Variants in TPRG1 observed in about 807,000 individuals in gnomAD.
The protein encoded by TPRG1 is tumor protein p63-regulated gene 1 protein.
Under a neutral mutation model 29.3 loss-of-function variants are expected in TPRG1, and 29 were observed. The ratio of observed to expected loss-of-function variants is 0.99; its 90% CI spans 0.74 to 1.35. The LOEUF (loss-of-function observed/expected upper bound fraction) is 1.35. TPRG1 is among the 40% of genes most tolerant of loss of function. TPRG1 has a pLI of 0.00. For missense variants in TPRG1, 327 were observed against 335.0 expected, an observed-to-expected ratio of 0.98 and a Z score of 0.19; for synonymous variants, 130 against 116.8, an observed-to-expected ratio of 1.11 and a Z score of -0.73.
intron 4 of TPRG1, among the ~76,000 whole-genome samples, chr3:189,064,032 C>T (rs1470761673): frequency 6.6e-6 from 1 of 152,126 alleles, no homozygotes; most frequent in African/African-American, 2.4e-5. Context: ...ACTTAATACA[C>T]ATAAGATGCA....
intron 3 of TPRG1, among the ~76,000 whole-genome samples, chr3:189,216,205 T>C (rs151197688): frequency 9.4e-4 from 143 of 152,338 alleles, no homozygotes; most frequent in African/African-American, 2.5e-3. Flanking sequence ...ATTAATTCAG[T>C]AAGTTCTGTT....
intron 1 of TPRG1, among the ~76,000 whole-genome samples, chr3:189,190,297 A>G (rs996974335): frequency 6.6e-6 from 1 of 152,204 alleles, no homozygotes; most frequent in Non-Finnish European, 1.5e-5. Context: ...GCAAGAATTG[A>G]CATAGTAAGC....
chr3:189,224,590 T>G (rs1342269512), intron 3 of TPRG1, among the ~76,000 whole-genome samples: 2 of 151,890 alleles, frequency 1.3e-5, no homozygotes, highest in African/African-American at 2.4e-5. Flanking sequence ...TGTGGCTGGA[T>G]TATAGTGAGC....
At chr3:189,227,520 G>A (rs73889138) in intron 3 of TPRG1, among the ~76,000 whole-genome samples, 35 of 152,224 alleles carry the variant, frequency 2.3e-4, no homozygotes, top group African/African-American at 8.4e-4. Flanking sequence ...TTTCCCTCTA[G>A]CCTTGAGATT....
intron 4 of TPRG1, among the ~76,000 whole-genome samples, chr3:189,092,394 G>A (rs1054196215): frequency 6.6e-6 from 1 of 150,646 alleles, no homozygotes; most frequent in African/African-American, 2.4e-5. Context: ...TCATGGATTT[G>A]ATATCCCTTT....
At chr3:189,038,707 A>G (rs1195411855) in intron 4 of TPRG1, among the ~76,000 whole-genome samples, 1 of 152,020 alleles carries the variant, frequency 6.6e-6, no homozygotes, top group Admixed American at 6.6e-5. Context: ...GGGGGAAGAT[A>G]ATTACAACAT....
chr3:189,289,534 A>G (rs1718648081), intron 4 of TPRG1, among the ~76,000 whole-genome samples: 1 of 152,062 alleles, frequency 6.6e-6, no homozygotes, highest in Non-Finnish European at 1.5e-5. Flanking sequence ...CTTGTTGACT[A>G]CGTAGTCTTT....
intron 5 of TPRG1, among the ~76,000 whole-genome samples, chr3:189,313,991 C>T (rs907732472): frequency 2.0e-5 from 3 of 151,836 alleles, no homozygotes; most frequent in Admixed American, 2.0e-4. Context: ...AAGTTCGGAG[C>T]AGTAGGAAGG....
chr3:189,126,238 A>T (rs1722473674), intron 1 of TPRG1, among the ~76,000 whole-genome samples: 2 of 152,182 alleles, frequency 1.3e-5, no homozygotes, highest in African/African-American at 4.8e-5. Flanking sequence ...TTGACTCAGA[A>T]GATACATGGA....
chr3:189,256,590 A>G (rs1165329513), intron 4 of TPRG1, among the ~76,000 whole-genome samples: 1 of 152,140 alleles, frequency 6.6e-6, no homozygotes, highest in Non-Finnish European at 1.5e-5. Context: ...GATCTGTCTA[A>G]TATTGACAGT....
rs778560668 is a variant in TPRG1, at chr3:189,011,796, C to G, written c.-660+7036C>G. On this transcript the variant is annotated intron_variant, in intron 3 of 10. Coordinates refer to the TPRG1 transcript ENST00000433971. The stretch of plus-strand genomic sequence containing the variant: ...ATGTTTTTCCATCTGTTTGTGTCCT[C>G]TCTGATTTCTTTGAACAGTTATTTG... 1.1e-4 allele frequency among the ~76,000 whole-genome samples: 16 copies of G among 152,340 alleles called. No homozygotes were observed. In the Middle Eastern group the frequency reaches 0.02, roughly 194 times the overall value.
chr3:189,221,154 C>A (rs140603791), intron 3 of TPRG1, among the ~76,000 whole-genome samples: 221 of 152,298 alleles, frequency 1.5e-3, no homozygotes, highest in African/African-American at 5.1e-3. Flanking sequence ...CTATATGAAG[C>A]ATCCCCATTT....
Position 189,087,832 on chromosome 3 carries a change from T to C in TPRG1, c.-462-39225T>C, listed in dbSNP as rs1322003122. 6.6e-5 allele frequency among the ~76,000 whole-genome samples: 10 copies of C among 152,226 alleles called. 1 individual carries two copies. The highest frequency in any genetic ancestry group is 4.1e-4 in the South Asian group (2 of 4,830). ...AGATGGTTGTAGATGTGTGGTATTA[T>C]TTCTGAGGGCTCTGTTCTGTTCCAT... On this transcript the variant is annotated intron_variant, in intron 4 of 10. Coordinates refer to the TPRG1 transcript ENST00000433971.
intron 1 of TPRG1, among the ~76,000 whole-genome samples, chr3:189,175,921 C>T (rs924532278): frequency 2.6e-5 from 4 of 152,020 alleles, no homozygotes; most frequent in Non-Finnish European, 5.9e-5. Flanking sequence ...AACCTTTGTC[C>T]TTTGGTCTGG....
intron 3 of TPRG1, among the ~76,000 whole-genome samples, chr3:189,139,005 CAAA>C (rs768787187): frequency 2.0e-5 from 3 of 152,018 alleles, no homozygotes; most frequent in African/African-American, 7.3e-5. Flanking sequence ...AGAAAATGGA[CAAA>C]AAATCACTGT....
chr3:189,320,784 T>C lies in TPRG1; in HGVS notation c.792T>C (p.Leu264=). ...CATTCATTGGAAACCGCAACAAACT[T>C]GGCTATTCCCTTGCCCGTGGGAGTA... ...LMSFIGNRNK[L]GYSLARGSIG... Residue 264 remains leucine, a synonymous_variant, in exon 6 of 6, where the codon CTT becomes CTC. Transcript: ENST00000345063. 6.2e-7 allele frequency: 1 copy of C among 1,607,730 alleles called. No individual in the cohort carries two copies.
rs1324736587 is a variant in TPRG1, at chr3:189,215,213, G to T, written c.211-79G>T. 3.4e-6 allele frequency: 4 copies of T among 1,182,380 alleles called. No individual in the cohort carries two copies. In the African/African-American group the frequency reaches 4.7e-5, roughly 14 times the overall value. The allele number at this position is 1,182,380 out of a possible 1,614,324, so 73.2% of individuals were successfully genotyped here. Reference sequence around the variant, plus strand: ...TTGTGACCAGCTTTCCGGAGGAGCTGCTGGAATATACTAACTAATCATAAG... The same window carrying T: ...TTGTGACCAGCTTTCCGGAGGAGCTTCTGGAATATACTAACTAATCATAAG... On this transcript the variant is annotated intron_variant, in intron 2 of 5. Coordinates refer to ENST00000345063, the MANE Select transcript of TPRG1 (RefSeq NM_198485.4).
upstream of TPRG1, among the ~76,000 whole-genome samples, chr3:189,096,905 CTCTT>C: frequency 6.6e-6 from 1 of 152,306 alleles, no homozygotes; most frequent in East Asian, 1.9e-4. Context: ...CTCTCTCTCT[CTCTT>C]TTTTGCTACC....
intron 4 of TPRG1, among the ~76,000 whole-genome samples, chr3:189,040,335 T>C (rs1714551406): frequency 6.6e-6 from 1 of 152,198 alleles, no homozygotes; most frequent in South Asian, 2.1e-4. Context: ...CTCCTAGTTA[T>C]TTACAGGTAT....
Sources: allele counts gnomAD v4.1 joint callset (sites outside exome capture counted in the v4.1 genomes callset), GRCh38; gene constraint gnomAD v4.1.1; transcripts MANE v1.5; gene names NCBI Gene and HGNC (gene_info 2026-07-23, HGNC 2026-07-21).